STX7: variants seen among roughly 807,000 people sequenced by gnomAD.
The protein encoded by STX7 is syntaxin-7.
STX7 carries 34 observed loss-of-function variants against 39.6 expected under a neutral mutation model. The ratio of observed to expected loss-of-function variants is 0.86; its 90% CI spans 0.65 to 1.14. The LOEUF (loss-of-function observed/expected upper bound fraction) is 1.14, where lower values mean the gene tolerates loss of function less well. STX7 is among the 50% of genes most tolerant of loss of function. STX7 has a pLI of 0.00. For synonymous variants in STX7, 119 were observed against 99.1 expected (o/e 1.20, Z -1.19); for missense variants, 284 against 310.4 (o/e 0.92, Z 0.64).
At chr6:132,487,890 T>C (rs79831873) in intron 2 of STX7, among the ~76,000 whole-genome samples, 3,547 of 152,294 alleles carry the variant, frequency 0.023, 124 homozygotes, top group African/African-American at 0.08. Context: ...TGATTTTTTT[T>C]CTCCCTTCGA....
At chr6:132,482,856 T>C (rs533025570) in intron 2 of STX7, among the ~76,000 whole-genome samples, 3 of 152,194 alleles carry the variant, frequency 2.0e-5, no homozygotes, top group Non-Finnish European at 4.4e-5. Context: ...TTTTATATAC[T>C]ACTAGCATTA....
chr6:132,465,215 C>T (rs1774532642), intron 8 of STX7, among the ~76,000 whole-genome samples: 1 of 152,176 alleles, frequency 6.6e-6, no homozygotes, highest in Non-Finnish European at 1.5e-5. Context: ...GGTCACATCC[C>T]AAACCCTGAC....
At position 132,451,152 on chromosome 6, in the gene STX7, C is replaced by CA. The variant is rs1774128508; in HGVS notation, c.*9605dup. ...TCGTTCTGTTGCTCAGACTGGAGTA[C>CA]AGTGGTGCGATCTCAGCTCACTGTA... On this transcript the variant is annotated 3_prime_UTR_variant, in exon 10 of 10. Coordinates refer to ENST00000367941, the MANE Select transcript of STX7 (RefSeq NM_003569.3). The CA allele has an allele frequency of 1.3e-5, 2 of 148,702 alleles. No homozygotes were observed. The highest frequency in any genetic ancestry group is 3.0e-5 in the Non-Finnish European group (2 of 67,676). The allele number at this position is 148,702 out of a possible 1,614,324, so 9.2% of individuals were successfully genotyped here.
chr6:132,506,636 G>A (rs1023589911), intron 1 of STX7, among the ~76,000 whole-genome samples: 1 of 152,056 alleles, frequency 6.6e-6, no homozygotes, highest in African/African-American at 2.4e-5. Flanking sequence ...AGTCAAACAA[G>A]TACAGATGTT....
At chr6:132,487,953 G>GT (rs1170764841) in intron 2 of STX7, among the ~76,000 whole-genome samples, 8 of 151,860 alleles carry the variant, frequency 5.3e-5, no homozygotes, top group Non-Finnish European at 7.4e-5. Context: ...AATTTCGGTT[G>GT]TTTTTTCTAA....
At chr6:132,510,442 A>T (rs772036363) in intron 1 of STX7, among the ~76,000 whole-genome samples, 1 of 152,272 alleles carries the variant, frequency 6.6e-6, no homozygotes. Flanking sequence ...AACTGATTGC[A>T]GTAAGAAACT....
In STX7 at chr6:132,472,373, T is replaced by C. The variant is rs2114381163; in HGVS notation, c.158A>G (p.Gln53Arg). 1 of 1,608,578 alleles carries C rather than the reference T, an allele frequency of 6.2e-7. No homozygotes were observed. Among genetic ancestry groups the C allele is most frequent in the Non-Finnish European group, 8.5e-7 (1 of 1,178,254 alleles). The stretch of plus-strand genomic sequence containing the variant: ...CTGGTTAGTATACTGCTGCTTCTGT[T>C]GCCTAAAGTGAGAAAACACGCATTA... ...QDSPELRQQL[Q>R]QKQQYTNQLA... The change falls in exon 4 of 10, where the codon CAA (glutamine) becomes CGA (arginine). Residue 53 changes from glutamine to arginine, a missense_variant and splice_region_variant. Gln to Arg is a conservative substitution (Grantham distance 43, BLOSUM62 1). Transcript: ENST00000367941.
intron 2 of STX7, among the ~76,000 whole-genome samples, chr6:132,493,231 T>C (rs920598552): frequency 2.0e-5 from 3 of 152,194 alleles, no homozygotes; most frequent in Non-Finnish European, 2.9e-5. Context: ...CAGAATAATA[T>C]CTTGTATGAC....
At chr6:132,477,004 T>A (rs1024859382) in intron 2 of STX7, among the ~76,000 whole-genome samples, 2 of 152,160 alleles carry the variant, frequency 1.3e-5, no homozygotes, top group African/African-American at 4.8e-5. Flanking sequence ...ATTATTTACA[T>A]GCTCAAGGGA....
At chr6:132,488,289 G>C (rs1775190603) in intron 2 of STX7, among the ~76,000 whole-genome samples, 1 of 152,102 alleles carries the variant, frequency 6.6e-6, no homozygotes, top group Non-Finnish European at 1.5e-5. Flanking sequence ...TGAAACTCTT[G>C]ATTAATGACA....
chr6:132,505,761 A>AC, intron 1 of STX7, among the ~76,000 whole-genome samples: 1 of 136,360 alleles, frequency 7.3e-6, no homozygotes, highest in East Asian at 2.7e-4. Context: ...AAAAAAAAAA[A>AC]AAACACAGGT....
chr6:132,492,276 T>G (rs1775308812), intron 2 of STX7, among the ~76,000 whole-genome samples: 1 of 152,198 alleles, frequency 6.6e-6, no homozygotes, highest in Admixed American at 6.5e-5. Flanking sequence ...AACTCCTCAG[T>G]ATGGTCCATC....
At chr6:132,466,500 T>C (rs1314683449) in intron 8 of STX7, among the ~76,000 whole-genome samples, 1 of 152,196 alleles carries the variant, frequency 6.6e-6, no homozygotes, top group East Asian at 1.9e-4. Context: ...AAAGCAACCA[T>C]AAACCATACA....
chr6:132,511,228 T>C lies in STX7; in HGVS notation c.-59+1779A>G, dbSNP rs532658178. 1.6e-4 allele frequency among the ~76,000 whole-genome samples: 25 copies of C among 152,304 alleles called. No homozygotes were observed. The South Asian group carries it at 4.8e-3, about 29-fold the overall frequency. On this transcript the variant is annotated intron_variant, in intron 1 of 9. Coordinates refer to ENST00000367941, the MANE Select transcript of STX7 (RefSeq NM_003569.3). The stretch of plus-strand genomic sequence containing the variant: ...GGTAAATATTACCATTTCCAAAACA[T>C]AAAATTCCAGTGCCTTCTTTCAGAT...
intron 2 of STX7, among the ~76,000 whole-genome samples, chr6:132,501,422 T>C (rs143902538): frequency 5.9e-5 from 9 of 152,200 alleles, no homozygotes; most frequent in Non-Finnish European, 1.2e-4. Context: ...CTTCACATGA[T>C]CCAATACTGC....
chr6:132,470,766 G>C (rs1562324207), intron 5 of STX7, 140 bp from the exon 6 acceptor site: 2 of 420,622 alleles, frequency 4.8e-6, no homozygotes, highest in Non-Finnish European at 4.2e-6. Flanking sequence ...TGTGTGTAGA[G>C]ACAGAGAGAA....
intron 9 of STX7, among the ~76,000 whole-genome samples, chr6:132,462,485 CA>C (rs1336813451): frequency 6.6e-6 from 1 of 151,862 alleles, no homozygotes; most frequent in Non-Finnish European, 1.5e-5. Context: ...AATCCAAAAG[CA>C]AAATAAAATA....
rs1774227981 is a variant in STX7 at position 132,455,767 on chromosome 6, T to C, written c.*4991A>G. The C allele has an allele frequency of 6.6e-6, 1 of 152,222 alleles. No homozygotes were observed. Among genetic ancestry groups the C allele is most frequent in the South Asian group, 2.1e-4 (1 of 4,838 alleles). The allele number at this position is 152,222 out of a possible 1,614,324, so 9.4% of individuals were successfully genotyped here. On this transcript the variant is annotated 3_prime_UTR_variant, in exon 10 of 10. Transcript: ENST00000367941. ...GAAAAATATTACATAATATTCATGT[T>C]AACCAAATGATTACAAAAACAAAGA...
intron 2 of STX7, among the ~76,000 whole-genome samples, chr6:132,493,327 T>TC (rs1054082839): frequency 6.6e-6 from 1 of 152,138 alleles, no homozygotes; most frequent in African/African-American, 2.4e-5. Flanking sequence ...TAAAGGGCAA[T>TC]CACTGTTTGA....
Sources: gnomAD v4.1 joint callset for allele counts (sites outside exome capture counted in the v4.1 genomes callset) on GRCh38, gnomAD v4.1.1 for gene constraint, MANE v1.5 for transcripts, NCBI Gene and HGNC (gene_info 2026-07-23, HGNC 2026-07-21) for gene names.